The following KAZN variants were observed in gnomAD, a reference collection of about 807,000 sequenced individuals.
KAZN encodes the protein kazrin, periplakin interacting protein, also known as kazrin.
KAZN carries 40 observed loss-of-function variants against 87.4 expected under a neutral mutation model. The observed-to-expected ratio is 0.46, with a 90% CI of 0.36 to 0.60. KAZN has a LOEUF of 0.60. Ranked by LOEUF, KAZN falls within the 20% of genes least tolerant of loss-of-function variation. The pLI is 0.00. For synonymous variants in KAZN, 466 were observed against 458.3 expected, an observed-to-expected ratio of 1.02 and a Z score of -0.22; for missense variants, 898 against 1,073.9, an observed-to-expected ratio of 0.84 and a Z score of 2.29.
chr1:14,514,952 G>A (rs1671226506), intron 2 of KAZN, among the ~76,000 whole-genome samples: 1 of 152,036 alleles, frequency 6.6e-6, no homozygotes, highest in South Asian at 2.1e-4. Context: ...CAGTGGCTGG[G>A]ACTTTTGCTG....
intron 7 of KAZN, among the ~76,000 whole-genome samples, 191 bp from the exon 8 acceptor site, chr1:15,065,439 G>A (rs1639151278): frequency 3.9e-5 from 6 of 152,174 alleles, no homozygotes; most frequent in Admixed American, 3.3e-4. Flanking sequence ...CTCAGTGAAT[G>A]AGGGGCTGAC....
chr1:14,799,777 A>G (rs113337730), intron 1 of KAZN, among the ~76,000 whole-genome samples: 5,397 of 152,314 alleles, frequency 0.035, 142 homozygotes, highest in East Asian at 0.079. Context: ...GTAGGCTTCA[A>G]CGAAATAAAA....
At chr1:14,594,259 G>C (rs1676360038), upstream of KAZN, among the ~76,000 whole-genome samples, 1 of 152,182 alleles carries the variant, frequency 6.6e-6, no homozygotes. Flanking sequence ...GGAAAAGGGA[G>C]GTGCATACGG....
chr1:14,614,007 G>A (rs1232674444), intron 1 of KAZN, among the ~76,000 whole-genome samples: 1 of 152,172 alleles, frequency 6.6e-6, no homozygotes, highest in Non-Finnish European at 1.5e-5. Context: ...TTCCTGGTAT[G>A]AATACCAGAA....
At chr1:14,651,336 G>GA (rs1244317636) in intron 1 of KAZN, among the ~76,000 whole-genome samples, 1 of 152,202 alleles carries the variant, frequency 6.6e-6, no homozygotes, top group East Asian at 1.9e-4. Context: ...GTGAGTGGGG[G>GA]ATCTCTATAC....
intron 1 of KAZN, among the ~76,000 whole-genome samples, chr1:13,903,649 G>A (rs969585042): frequency 1.3e-5 from 2 of 152,160 alleles, no homozygotes; most frequent in Admixed American, 6.5e-5. Context: ...TAGTGAAGAC[G>A]AGTTAGGTCA....
chr1:14,197,155 G>C (rs1646542973), intron 2 of KAZN, among the ~76,000 whole-genome samples: 1 of 151,998 alleles, frequency 6.6e-6, no homozygotes, highest in Admixed American at 6.6e-5. Flanking sequence ...TTTACCAAGG[G>C]GCAGATCATG....
At chr1:14,832,901 C>A (rs1647091808) in intron 1 of KAZN, among the ~76,000 whole-genome samples, 2 of 152,204 alleles carry the variant, frequency 1.3e-5, no homozygotes, top group Admixed American at 1.3e-4. Flanking sequence ...CAAGCGTGCT[C>A]ATTCCTTTAG....
intron 2 of KAZN, among the ~76,000 whole-genome samples, chr1:14,185,492 G>A (rs974290066): frequency 1.3e-5 from 2 of 152,112 alleles, no homozygotes; most frequent in East Asian, 1.9e-4. Context: ...GCTCCATTAC[G>A]CATCCTTTCC....
At chr1:14,435,524 T>C (rs1223825822) in intron 2 of KAZN, among the ~76,000 whole-genome samples, 1 of 152,216 alleles carries the variant, frequency 6.6e-6, no homozygotes, top group Non-Finnish European at 1.5e-5. Context: ...AGGGATGTCC[T>C]GCTCCTTGAT....
chr1:14,697,166 A>G (rs1387801756), intron 1 of KAZN, among the ~76,000 whole-genome samples: 1 of 151,304 alleles, frequency 6.6e-6, no homozygotes, highest in East Asian at 1.9e-4. Flanking sequence ...AAGAAAAGAA[A>G]AGAAAAGAAA....
intron 2 of KAZN, among the ~76,000 whole-genome samples, chr1:14,218,266 T>C (rs1010518272): frequency 6.6e-6 from 1 of 151,012 alleles, no homozygotes; most frequent in African/African-American, 2.4e-5. Flanking sequence ...CAAGTAAAAA[T>C]CCTGTGGTAC....
At chr1:14,331,411 C>T (rs190136468) in intron 2 of KAZN, among the ~76,000 whole-genome samples, 46 of 152,260 alleles carry the variant, frequency 3.0e-4, no homozygotes, top group African/African-American at 1.0e-3. Flanking sequence ...AAACAATTGA[C>T]AGTAGTTTCT....
chr1:14,982,664 A>G (rs534426793), intron 2 of KAZN, among the ~76,000 whole-genome samples: 189 of 151,988 alleles, frequency 1.2e-3, no homozygotes, highest in Non-Finnish European at 2.1e-3. Flanking sequence ...TGACTTTGTA[A>G]TCCACTCACC....
chr1:14,815,554 G>A (rs1484059322), intron 1 of KAZN, among the ~76,000 whole-genome samples: 2 of 152,204 alleles, frequency 1.3e-5, no homozygotes, highest in African/African-American at 2.4e-5. Context: ...ATCTGGGCAG[G>A]ATATCATTGC....
At chr1:15,020,022 C>A (rs538670177) in intron 2 of KAZN, among the ~76,000 whole-genome samples, 5 of 152,228 alleles carry the variant, frequency 3.3e-5, no homozygotes, top group African/African-American at 1.2e-4. Flanking sequence ...CCAGGACCAA[C>A]CCCACAGCTC....
intron 1 of KAZN, among the ~76,000 whole-genome samples, chr1:14,789,319 A>T (rs1645603033): frequency 6.6e-6 from 1 of 152,192 alleles, no homozygotes; most frequent in Non-Finnish European, 1.5e-5. Flanking sequence ...TGTCCAATAA[A>T]GTCTGTTTCC....
At chr1:14,748,467 C>G (rs774178395) in intron 1 of KAZN, among the ~76,000 whole-genome samples, 1 of 152,100 alleles carries the variant, frequency 6.6e-6, no homozygotes, top group Non-Finnish European at 1.5e-5. Context: ...GGGAGTTGTA[C>G]ACTTCTTTTT....
chr1:14,411,674 A>G (rs552275683), intron 2 of KAZN, among the ~76,000 whole-genome samples: 1 of 152,340 alleles, frequency 6.6e-6, no homozygotes, highest in East Asian at 1.9e-4. Context: ...CTTCAGAAAG[A>G]AGGACTAAAA....
Sources: allele counts gnomAD v4.1 joint callset (sites outside exome capture counted in the v4.1 genomes callset), GRCh38; gene constraint gnomAD v4.1.1; transcripts MANE v1.5; gene names NCBI Gene and HGNC (gene_info 2026-07-23, HGNC 2026-07-21).